Variants in FBXO21 observed in about 807,000 individuals in gnomAD.
FBXO21 encodes F-box only protein 21.
In FBXO21, 32 loss-of-function variants were observed where a neutral mutation model predicts 76.6. That is an observed-to-expected ratio of 0.42 (90% CI 0.32 to 0.56). The LOEUF (loss-of-function observed/expected upper bound fraction) is 0.56. FBXO21 is among the 20% of genes least tolerant of loss of function. The probability of loss-of-function intolerance (pLI) is 0.16; values close to 1 mark genes in which losing one functional copy is unlikely to be tolerated. For missense variants in FBXO21, 586 were observed against 797.3 expected (o/e 0.73, Z 3.19); for synonymous variants, 328 against 311.5 (o/e 1.05, Z -0.56).
At chr12:117,165,648 C>T (rs1173237431) in intron 8 of FBXO21, 31 bp from the exon 9 acceptor site, 1 of 1,539,300 alleles carries the variant, frequency 6.5e-7, no homozygotes, top group Non-Finnish European at 8.8e-7. Flanking sequence ...TTTGTCTCAT[C>T]CTGCTTGTTT....
chr12:117,147,709 A>G (rs966846264), intron 11 of FBXO21, among the ~76,000 whole-genome samples: 1 of 152,024 alleles, frequency 6.6e-6, no homozygotes, highest in East Asian at 1.9e-4. Flanking sequence ...CAGTTAAAGG[A>G]CGGTGCTTTG....
chr12:117,172,646 C>T (rs745333232), intron 6 of FBXO21, 39 bp from the exon 7 acceptor site: 2 of 1,592,736 alleles, frequency 1.3e-6, no homozygotes, highest in South Asian at 2.2e-5. Context: ...CTGGGATGAA[C>T]TATACGTTCT....
At chr12:117,153,423 C>T (rs555862799) in intron 11 of FBXO21, among the ~76,000 whole-genome samples, 73 of 152,114 alleles carry the variant, frequency 4.8e-4, no homozygotes, top group Non-Finnish European at 7.8e-4. Context: ...TTCAGTGAGT[C>T]GGGGTAACAA....
intron 11 of FBXO21, 99 bp downstream of exon 11, chr12:117,155,692 G>T: frequency 7.4e-7 from 1 of 1,352,004 alleles, no homozygotes; most frequent in Non-Finnish European, 1.0e-6. Context: ...GCCTCTGAAG[G>T]AACCGATGGC....
Position 117,190,433 on chromosome 12 carries a change from G to A in FBXO21, c.24C>T (p.Ser8=), listed in dbSNP as rs192728619. 131 of 1,403,798 alleles carry A rather than the reference G, an allele frequency of 9.3e-5. 1 individual carries two copies. The East Asian group carries it at 3.2e-3, about 34-fold the overall frequency. 87.0% of individuals were successfully genotyped at this position (1,403,798 alleles called of 1,614,324 possible). The change falls in exon 1 of 12, where the codon AGC becomes AGT. Residue 8 remains serine (S), a synonymous_variant. Transcript: ENST00000622495. The stretch of plus-strand genomic sequence containing the variant: ...CCAGCGCCGGCACCACCTCCATCGC[G>A]CTGTCGACTGCTGCCGCCGCCATCT... The part of the protein sequence containing the change: MAAAAVD[S]AMEVVPALAE...
intron 11 of FBXO21, among the ~76,000 whole-genome samples, chr12:117,153,947 A>G (rs1332489595): frequency 6.6e-6 from 1 of 152,238 alleles, no homozygotes; most frequent in African/African-American, 2.4e-5. Context: ...TCTGAAGTGA[A>G]CATATCACAA....
At chr12:117,184,700 C>T (rs978852672) in intron 3 of FBXO21, among the ~76,000 whole-genome samples, 7 of 152,152 alleles carry the variant, frequency 4.6e-5, no homozygotes, top group Non-Finnish European at 7.4e-5. Flanking sequence ...TTGCCAAGAT[C>T]ACGCCATTGC....
Position 117,142,616 on chromosome 12 carries a change from G to C in FBXO21, c.*3471C>G, listed in dbSNP as rs910916005. 4 of 135,624 alleles carry C rather than the reference G, an allele frequency of 2.9e-5. No homozygotes were observed. Among genetic ancestry groups the C allele is most frequent in the Non-Finnish European group, 4.6e-5 (3 of 65,924 alleles). The allele number at this position is 135,624 out of a possible 1,614,324, so 8.4% of individuals were successfully genotyped here. On this transcript the variant is annotated 3_prime_UTR_variant, in exon 12 of 12. Transcript: ENST00000622495. ...GTACAGCTATTCACGTCTCCAAAAA[G>C]CAATTGTCCCACATCCAAATTTTGC...
At chr12:117,187,382 T>A (rs1316954612) in intron 2 of FBXO21, among the ~76,000 whole-genome samples, 2 of 134,484 alleles carry the variant, frequency 1.5e-5, no homozygotes, top group Non-Finnish European at 3.0e-5. Context: ...ATCACACCAT[T>A]GCACTCCAGC....
chr12:117,174,625 C>T (rs1263375878), intron 5 of FBXO21, 26 bp downstream of exon 5: 1 of 1,608,938 alleles, frequency 6.2e-7, no homozygotes, highest in Non-Finnish European at 8.5e-7. Context: ...TTCATAAATA[C>T]AGCTGGATCC....
intron 10 of FBXO21, among the ~76,000 whole-genome samples, chr12:117,156,171 C>T (rs1412603300): frequency 6.6e-6 from 1 of 152,194 alleles, no homozygotes; most frequent in Non-Finnish European, 1.5e-5. Context: ...TAGATGACAA[C>T]TGGTTACCCA....
intron 7 of FBXO21, 75 bp from the exon 8 acceptor site, chr12:117,167,152 T>C: frequency 8.9e-7 from 1 of 1,128,146 alleles, no homozygotes; most frequent in Non-Finnish European, 1.3e-6. Context: ...GTAGCTCAAA[T>C]CATGGGCTGA....
At chr12:117,151,974 A>G (rs1379333004) in intron 11 of FBXO21, among the ~76,000 whole-genome samples, 2 of 152,228 alleles carry the variant, frequency 1.3e-5, no homozygotes, top group Admixed American at 6.5e-5. Flanking sequence ...GTGAGTCACT[A>G]TCTTAGCCAA....
At chr12:117,150,685 G>A (rs1402349485) in intron 11 of FBXO21, among the ~76,000 whole-genome samples, 2 of 152,246 alleles carry the variant, frequency 1.3e-5, no homozygotes, top group African/African-American at 2.4e-5. Flanking sequence ...CCTTGTACAC[G>A]TGTGGAGGGA....
intron 10 of FBXO21, among the ~76,000 whole-genome samples, chr12:117,156,302 A>G (rs949144247): frequency 2.0e-5 from 3 of 152,306 alleles, no homozygotes; most frequent in African/African-American, 7.2e-5. Context: ...ATGACTCAAG[A>G]TAGGGAAGGT....
At position 117,142,112 on chromosome 12, in the gene FBXO21, C is replaced by G. The variant is rs372996038; in HGVS notation, c.*3975G>C. On this transcript the variant is annotated 3_prime_UTR_variant, in exon 12 of 12. Coordinates refer to ENST00000622495, the MANE Select transcript of FBXO21 (RefSeq NM_015002.3). ...TTATTCACCGGAGGGACGTCCTTTA[C>G]TTTCAAGATTCTAAATTTTTCAGAA... is the stretch of plus-strand genomic sequence containing the variant. 3 of 103,922 alleles carry G rather than the reference C, an allele frequency of 2.9e-5. No individual in the cohort carries two copies. The highest frequency in any genetic ancestry group is 7.2e-5 in the Non-Finnish European group (3 of 41,944). 6.4% of individuals were successfully genotyped at this position (103,922 alleles called of 1,614,324 possible).
At chr12:117,150,395 C>T (rs999651913) in intron 11 of FBXO21, among the ~76,000 whole-genome samples, 1 of 152,202 alleles carries the variant, frequency 6.6e-6, no homozygotes, top group Non-Finnish European at 1.5e-5. Context: ...TGTCCTGATC[C>T]GGTCTTCCTC....
chr12:117,173,185 T>A (rs1406294952), intron 6 of FBXO21, among the ~76,000 whole-genome samples: 1 of 152,200 alleles, frequency 6.6e-6, no homozygotes, highest in Non-Finnish European at 1.5e-5. Flanking sequence ...ACCGCCACCA[T>A]GCCTGGCTAA....
chr12:117,157,844 C>T (rs769584441), intron 10 of FBXO21, 29 bp downstream of exon 10: 1 of 1,568,734 alleles, frequency 6.4e-7, no homozygotes, highest in East Asian at 2.2e-5. Context: ...GGAACGGACA[C>T]TGCAGGACAG....
Sources: allele counts gnomAD v4.1 joint callset (sites outside exome capture counted in the v4.1 genomes callset), GRCh38; gene constraint gnomAD v4.1.1; transcripts MANE v1.5; gene names NCBI Gene and HGNC (gene_info 2026-07-23, HGNC 2026-07-21).